The following DLGAP4 variants were observed in gnomAD, a reference collection of about 807,000 sequenced individuals.
DLGAP4 encodes the protein disks large-associated protein 4.
In DLGAP4, 18 loss-of-function variants were observed where a neutral mutation model predicts 86.9. That is an observed-to-expected ratio of 0.21 (90% CI 0.14 to 0.31). DLGAP4 has a LOEUF of 0.31. Ranked by LOEUF, DLGAP4 falls within the 10% of genes least tolerant of loss-of-function variation. The probability of loss-of-function intolerance (pLI) is 1.00; values close to 1 mark genes in which losing one functional copy is unlikely to be tolerated. For missense variants in DLGAP4, 1,085 were observed against 1,362.6 expected, an observed-to-expected ratio of 0.80 and a Z score of 3.21; for synonymous variants, 548 against 574.3, an observed-to-expected ratio of 0.95 and a Z score of 0.65.
At chr20:36,395,553 C>T (rs1322325134) in intron 2 of DLGAP4, among the ~76,000 whole-genome samples, 3 of 152,078 alleles carry the variant, frequency 2.0e-5, no homozygotes, top group Admixed American at 6.5e-5. Context: ...GGCTGGAGTG[C>T]AGTGGCGCAA....
chr20:36,497,804 G>C (rs73618588), intron 8 of DLGAP4: 1 of 188,166 alleles, frequency 5.3e-6, no homozygotes, highest in African/African-American at 2.4e-5. Context: ...GCATGCACCC[G>C]ATGTCAATAA....
intron 2 of DLGAP4, among the ~76,000 whole-genome samples, chr20:36,418,950 T>C (rs2032744507): frequency 6.6e-6 from 1 of 151,968 alleles, no homozygotes; most frequent in South Asian, 2.1e-4. Flanking sequence ...AATCCCGGAA[T>C]CTCAACTCAG....
At chr20:36,339,895 A>G (rs1006272128) in intron 1 of DLGAP4, among the ~76,000 whole-genome samples, 1 of 152,140 alleles carries the variant, frequency 6.6e-6, no homozygotes, top group Non-Finnish European at 1.5e-5. Flanking sequence ...AGGAGGGAAG[A>G]TCCCAGAGGG....
intron 10 of DLGAP4, among the ~76,000 whole-genome samples, chr20:36,504,024 A>G (rs1023645133): frequency 6.6e-6 from 1 of 152,176 alleles, no homozygotes; most frequent in African/African-American, 2.4e-5. Flanking sequence ...ATGGATGTAT[A>G]TTCATTTCTT....
intron 2 of DLGAP4, among the ~76,000 whole-genome samples, chr20:36,416,654 C>T (rs1293694231): frequency 3.3e-5 from 5 of 152,212 alleles, no homozygotes; most frequent in East Asian, 1.9e-4. Flanking sequence ...TTACCCCCGA[C>T]TTTTAAGGTC....
intron 1 of DLGAP4, among the ~76,000 whole-genome samples, chr20:36,313,522 G>A (rs2065070488): frequency 6.6e-6 from 1 of 150,826 alleles, no homozygotes; most frequent in Non-Finnish European, 1.5e-5. Context: ...GGCTGACCAG[G>A]CAGCTTTGCA....
At position 36,446,986 on chromosome 20, in the gene DLGAP4, C is replaced by T. The variant is rs979083435; in HGVS notation, c.1648+49C>T. On this transcript the variant is annotated intron_variant, in intron 7 of 12. Transcript: ENST00000339266. The stretch of plus-strand genomic sequence containing the variant: ...GGTTTTTTTTCTTTTCAAGGGGACC[C>T]CAAGGACCATACCTGGAGGGCCAGC... 9.6e-6 allele frequency: 15 copies of T among 1,555,510 alleles called. No individual in the cohort carries two copies. In the African/African-American group the frequency reaches 1.9e-4, roughly 20 times the overall value.
chr20:36,376,055 G>GGC (rs1424632343), intron 2 of DLGAP4, among the ~76,000 whole-genome samples: 4 of 152,074 alleles, frequency 2.6e-5, no homozygotes, highest in Non-Finnish European at 5.9e-5. Context: ...CTGGAGTTCA[G>GGC]TGGCGTGATC....
At chr20:36,423,627 G>A (rs376414820) in intron 2 of DLGAP4, among the ~76,000 whole-genome samples, 5 of 151,924 alleles carry the variant, frequency 3.3e-5, no homozygotes, top group South Asian at 2.1e-4. Context: ...TACTGATTGG[G>A]CATCGAAATG....
At chr20:36,464,299 C>A (rs2034239122) in intron 7 of DLGAP4, among the ~76,000 whole-genome samples, 2 of 152,214 alleles carry the variant, frequency 1.3e-5, no homozygotes, top group Non-Finnish European at 2.9e-5. Context: ...GCGGCTCACT[C>A]CTGTAATCCT....
At chr20:36,438,559 T>C (rs1389895774) in intron 4 of DLGAP4, among the ~76,000 whole-genome samples, 9 of 150,850 alleles carry the variant, frequency 6.0e-5, no homozygotes, top group Non-Finnish European at 1.3e-4. Context: ...TATATACATA[T>C]ATATGTATAT....
chr20:36,524,536 C>T (rs1418261709), intron 11 of DLGAP4, among the ~76,000 whole-genome samples, 195 bp downstream of exon 11: 1 of 152,212 alleles, frequency 6.6e-6, no homozygotes, highest in Non-Finnish European at 1.5e-5. Context: ...CCTATCAGAT[C>T]TCTAATATCT....
rs568318107 is a variant in DLGAP4, at chr20:36,431,531, A to G, written c.-72-115A>G. 3.1e-6 allele frequency: 2 copies of G among 649,064 alleles called. No homozygotes were observed. Among genetic ancestry groups the G allele is most frequent in the Non-Finnish European group, 5.2e-6 (2 of 387,904 alleles). 40.2% of individuals were successfully genotyped at this position (649,064 alleles called of 1,614,324 possible). ...GTACTCCTGTCCTCAGGCCCACAAC[A>G]TTGAGGACTGGCTTCAGAGATCCTC... On this transcript the variant is annotated intron_variant, in intron 2 of 12. Coordinates refer to ENST00000339266, the MANE Select transcript of DLGAP4 (RefSeq NM_001365621.2). This position sits in a 1 kb window ranked among gnomAD's most constrained non-coding sequence, Gnocchi z 5.1.
At chr20:36,371,596 G>C (rs971889422) in intron 2 of DLGAP4, among the ~76,000 whole-genome samples, 1 of 152,218 alleles carries the variant, frequency 6.6e-6, no homozygotes, top group African/African-American at 2.4e-5. Flanking sequence ...GCTGTTAGCA[G>C]GACAACTGGG....
chr20:36,425,109 A>G (rs1242452786), intron 2 of DLGAP4, among the ~76,000 whole-genome samples: 8 of 152,184 alleles, frequency 5.3e-5, no homozygotes, highest in Non-Finnish European at 1.2e-4. Context: ...TCAGTCCTGG[A>G]AGAGGAGAAA....
intron 1 of DLGAP4, among the ~76,000 whole-genome samples, chr20:36,363,354 C>T (rs781938411): frequency 6.6e-6 from 1 of 152,186 alleles, no homozygotes; most frequent in Non-Finnish European, 1.5e-5. Context: ...TACAAGGAGT[C>T]ATAGCAGCTT....
At chr20:36,428,704 G>A (rs750905016) in intron 2 of DLGAP4, among the ~76,000 whole-genome samples, 2 of 152,254 alleles carry the variant, frequency 1.3e-5, no homozygotes, top group Non-Finnish European at 2.9e-5. Context: ...TTCCAGTCCT[G>A]GTTCCGTGTG....
Position 36,350,506 on chromosome 20 carries a change from G to T in DLGAP4, c.-303-16539G>T, listed in dbSNP as rs190396059. Among the ~76,000 whole-genome samples the T allele has an allele frequency of 1.3e-5, 2 of 152,336 alleles. No individual in the cohort carries two copies. Among genetic ancestry groups the T allele is most frequent in the East Asian group, 3.9e-4 (2 of 5,184 alleles). ...TTGCAGGTGCTTAATGAAAATGCAT[G>T]CCTCACTTCCCTGGACTGTGAAATG... is the stretch of plus-strand genomic sequence containing the variant. On this transcript the variant is annotated intron_variant, in intron 1 of 12. Coordinates refer to ENST00000339266, the MANE Select transcript of DLGAP4 (RefSeq NM_001365621.2). The surrounding 1 kb of genome is among the most constrained non-coding windows in gnomAD (Gnocchi z 4.4).
intron 2 of DLGAP4, among the ~76,000 whole-genome samples, chr20:36,384,389 G>T (rs2031520820): frequency 6.6e-6 from 1 of 152,210 alleles, no homozygotes; most frequent in Non-Finnish European, 1.5e-5. Flanking sequence ...AATATCTGAG[G>T]TAGGATTTGA....
Sources: gnomAD v4.1 joint callset for allele counts (sites outside exome capture counted in the v4.1 genomes callset) on GRCh38, gnomAD v4.1.1 for gene constraint, Gnocchi (gnomAD v3.1) non-coding constraint, MANE v1.5 for transcripts, NCBI Gene and HGNC (gene_info 2026-07-23, HGNC 2026-07-21) for gene names.